The following CHD9 variants were observed in gnomAD, a reference collection of about 807,000 sequenced individuals.
CHD9 encodes chromodomain helicase DNA binding protein 9.
CHD9 carries 77 observed loss-of-function variants against 316.1 expected under a neutral mutation model. The observed-to-expected ratio is 0.24, with a 90% confidence interval of 0.20 to 0.29. The LOEUF (loss-of-function observed/expected upper bound fraction) is 0.29, where lower values mean the gene tolerates loss of function less well. CHD9 is among the 10% of genes least tolerant of loss of function. The pLI, the probability that CHD9 is intolerant of heterozygous loss-of-function variation, is 1.00. For missense variants in CHD9, 2,763 were observed against 3,438.1 expected (o/e 0.80, Z 4.91); for synonymous variants, 1,129 against 1,158.3 (o/e 0.97, Z 0.51).
At chr16:53,077,362 C>T (rs1235558507) in intron 1 of CHD9, among the ~76,000 whole-genome samples, 6 of 143,662 alleles carry the variant, frequency 4.2e-5, no homozygotes, top group South Asian at 2.3e-4. Flanking sequence ...CTCGCTCTGT[C>T]GCCCAGGCTG....
At chr16:53,138,281 ATAAT>A (rs1017790278) in intron 1 of CHD9, among the ~76,000 whole-genome samples, 1 of 152,220 alleles carries the variant, frequency 6.6e-6, no homozygotes, top group African/African-American at 2.4e-5. Context: ...AAAATGTTAA[ATAAT>A]TTGTAGTATT....
chr16:53,063,118 T>C (rs2033101700), intron 1 of CHD9, among the ~76,000 whole-genome samples: 1 of 152,184 alleles, frequency 6.6e-6, no homozygotes, highest in Non-Finnish European at 1.5e-5. Context: ...CTGGATGCTC[T>C]TCTAAGCACT....
intron 20 of CHD9, among the ~76,000 whole-genome samples, chr16:53,264,510 G>A (rs980275639): frequency 6.6e-6 from 1 of 152,152 alleles, no homozygotes; most frequent in African/African-American, 2.4e-5. Flanking sequence ...GAGAAAGAGA[G>A]AGATGCAGAA....
At chr16:53,286,947 A>G (rs1459842061) in intron 26 of CHD9, among the ~76,000 whole-genome samples, 1 of 152,044 alleles carries the variant, frequency 6.6e-6, no homozygotes, top group Non-Finnish European at 1.5e-5. Flanking sequence ...CATGTTCAGT[A>G]CAGATGCCAT....
Position 53,204,054 on chromosome 16 carries a change from TATATACACACAC to T in CHD9, c.1453-5426_1453-5415del, listed in dbSNP as rs1400861986. ...AAAAAAAAAAAAAAAAAAAAATATA[TATATACACACAC>T]ACACACACACACACACACACATTTA... On this transcript the variant is annotated intron_variant, in intron 2 of 38. Transcript: ENST00000447540. Among the ~76,000 whole-genome samples, 97 of 93,590 alleles carry T rather than the reference TATATACACACAC, an allele frequency of 1.0e-3. 5 individuals carry two copies. The highest frequency in any genetic ancestry group is 1.6e-3 in the Non-Finnish European group (72 of 43,688). The allele number at this position is 93,590 out of a possible 152,430, so 61.4% of individuals were successfully genotyped here.
At chr16:53,209,204 C>T (rs954673880) in intron 2 of CHD9, among the ~76,000 whole-genome samples, 1 of 152,138 alleles carries the variant, frequency 6.6e-6, no homozygotes, top group African/African-American at 2.4e-5. Context: ...ACTATCTTTA[C>T]AGGACAAAAC....
Position 53,156,972 on chromosome 16 carries a change from T to C in CHD9, c.883T>C (p.Ser295Pro). Residue 295 changes from serine (S) to proline (P), a missense_variant, in exon 2 of 39, where the codon TCT becomes CCT. Ser to Pro is a moderately conservative substitution (Grantham distance 74). Coordinates refer to ENST00000447540, the MANE Select transcript of CHD9 (RefSeq NM_001308319.2). The part of the protein sequence containing the change: ...SLLQSSAVLA[S>P]NHTNQTLSDF... ...ACTTCAGTCCTCTGCAGTTCTTGCA[T>C]CTAATCATACAAATCAGACTTTATC... The C allele has an allele frequency of 1.2e-6, 2 of 1,613,154 alleles. No homozygotes were observed. Among genetic ancestry groups the C allele is most frequent in the Non-Finnish European group, 8.5e-7 (1 of 1,179,458 alleles).
intron 24 of CHD9, among the ~76,000 whole-genome samples, chr16:53,282,230 A>T (rs895135212): frequency 2.6e-5 from 4 of 152,156 alleles, no homozygotes; most frequent in African/African-American, 9.7e-5. Flanking sequence ...GCGTGCACAC[A>T]ACAACACTTA....
At chr16:53,092,138 A>C (rs572002642) in intron 1 of CHD9, among the ~76,000 whole-genome samples, 7 of 152,146 alleles carry the variant, frequency 4.6e-5, no homozygotes, top group Non-Finnish European at 8.8e-5. Flanking sequence ...GATCAGGCTC[A>C]TTGGCTGTCA....
At chr16:53,252,185 T>C (rs964574995) in intron 17 of CHD9, among the ~76,000 whole-genome samples, 13 of 152,164 alleles carry the variant, frequency 8.5e-5, no homozygotes, top group African/African-American at 3.1e-4. Flanking sequence ...AACAGCATGG[T>C]ACTGGTATAA....
chr16:53,201,990 C>T (rs1210115777), intron 2 of CHD9, among the ~76,000 whole-genome samples: 1 of 151,900 alleles, frequency 6.6e-6, no homozygotes, highest in African/African-American at 2.4e-5. Context: ...TCCCAAGCAA[C>T]TCGGACTACA....
Position 53,211,194 on chromosome 16 carries a change from T to G in CHD9, c.1784+1381T>G, listed in dbSNP as rs80232546. ...AAATTGGTTGATAAACTTTTAAAAG[T>G]TACACTAACCGTTACTTGCCTCAAA... On this transcript the variant is annotated intron_variant, in intron 3 of 38. Coordinates refer to ENST00000447540, the MANE Select transcript of CHD9 (RefSeq NM_001308319.2). 3.2e-3 allele frequency among the ~76,000 whole-genome samples: 491 copies of G among 152,196 alleles called. 9 individuals are homozygous for G. Among genetic ancestry groups the G allele is most frequent in the East Asian group, 0.01 (54 of 5,186 alleles).
rs1431480350 is a variant in CHD9, at chr16:53,303,893, T to C, written c.5887T>C (p.Cys1963Arg). The stretch of plus-strand genomic sequence containing the variant: ...TCCAGATTTACCAGTCTGGTGGGAA[T>C]GTGGCCCTCATGATAGGGATTTGCT... ...PNPDLPVWWECGPHDRDLLIG... is the reference protein window; with the variant it reads ...PNPDLPVWWERGPHDRDLLIG... The change falls in exon 31 of 39, where the codon TGT (cysteine) becomes CGT (arginine). Residue 1963 changes from cysteine (C) to arginine (R), a missense_variant. By Grantham distance (180) the Cys-to-Arg change is radical. Coordinates refer to ENST00000447540, the MANE Select transcript of CHD9 (RefSeq NM_001308319.2). 2.5e-6 allele frequency: 4 copies of C among 1,614,038 alleles called. No individual in the cohort carries two copies. The highest frequency in any genetic ancestry group is 3.4e-6 in the Non-Finnish European group (4 of 1,179,890).
At chr16:53,094,934 C>G (rs1004770976) in intron 1 of CHD9, among the ~76,000 whole-genome samples, 3 of 152,122 alleles carry the variant, frequency 2.0e-5, no homozygotes, top group Non-Finnish European at 2.9e-5. Context: ...CCACCGCGCC[C>G]GGCCTTGTTT....
chr16:53,239,951 A>T (rs79841252), intron 12 of CHD9, among the ~76,000 whole-genome samples: 2 of 152,220 alleles, frequency 1.3e-5, no homozygotes, highest in African/African-American at 4.8e-5. Context: ...AATTGTTTCA[A>T]CCTTGGAAGT....
chr16:53,109,677 CTT>C (rs1166073629), intron 1 of CHD9, among the ~76,000 whole-genome samples: 2 of 71,592 alleles, frequency 2.8e-5, no homozygotes, highest in African/African-American at 5.9e-5. Flanking sequence ...TTCCCAGTTT[CTT>C]TTTTTTTTTT....
At chr16:53,146,419 G>GTGTGTATATATATATATATATATATATA (rs1555492145) in intron 1 of CHD9, among the ~76,000 whole-genome samples, 1 of 76,712 alleles carries the variant, frequency 1.3e-5, no homozygotes, top group African/African-American at 5.9e-5. Flanking sequence ...GTGTGTGTAT[G>GTGTGTATATATATATATATATATATATA]TATATATATA....
At chr16:53,187,878 G>T (rs1160303046) in intron 2 of CHD9, among the ~76,000 whole-genome samples, 1 of 152,156 alleles carries the variant, frequency 6.6e-6, no homozygotes, top group East Asian at 1.9e-4. Context: ...GAGATGTCTG[G>T]TTGTGAAAGG....
chr16:53,170,578 CGTGTGTGT>C (rs10593955), intron 2 of CHD9, among the ~76,000 whole-genome samples: 4,719 of 140,296 alleles, frequency 0.034, 87 homozygotes, highest in Middle Eastern at 0.069. Context: ...TTTGTAATTT[CGTGTGTGT>C]GTGTGTGTGT....
Sources: allele counts gnomAD v4.1 joint callset (sites outside exome capture counted in the v4.1 genomes callset), GRCh38; gene constraint gnomAD v4.1.1; transcripts MANE v1.5; gene names NCBI Gene and HGNC (gene_info 2026-07-23, HGNC 2026-07-21).